RASA1: variants seen among roughly 807,000 people sequenced by gnomAD.
RASA1 encodes RAS p21 protein activator 1.
RASA1 carries 25 observed loss-of-function variants against 132.2 expected under a neutral mutation model. That is an observed-to-expected ratio of 0.19 (90% CI 0.14 to 0.26). The LOEUF (loss-of-function observed/expected upper bound fraction) is 0.26. RASA1 is among the 10% of genes least tolerant of loss of function. The pLI, the probability that RASA1 is intolerant of heterozygous loss-of-function variation, is 1.00. For synonymous variants in RASA1, 477 were observed against 449.9 expected (o/e 1.06, Z -0.76); for missense variants, 964 against 1,299.2 (o/e 0.74, Z 3.97).
intron 1 of RASA1, among the ~76,000 whole-genome samples, chr5:87,287,653 C>T (rs1754696819): frequency 6.8e-6 from 1 of 147,730 alleles, no homozygotes; most frequent in Non-Finnish European, 1.5e-5. Flanking sequence ...CATATATATA[C>T]ACGCCATAGA....
intron 1 of RASA1, among the ~76,000 whole-genome samples, chr5:87,287,480 T>TAC (rs1347520333): frequency 1.4e-5 from 2 of 147,386 alleles, no homozygotes; most frequent in Non-Finnish European, 3.0e-5. Context: ...ACCATATATA[T>TAC]ACACACCATA....
intron 9 of RASA1, among the ~76,000 whole-genome samples, chr5:87,358,694 C>T (rs1759842280): frequency 6.6e-6 from 1 of 152,194 alleles, no homozygotes; most frequent in South Asian, 2.1e-4. Context: ...AGCCAAAGTC[C>T]TTAGAATGGC....
At position 87,328,071 on chromosome 5, in the gene RASA1, A is replaced by G. The variant is rs545969223; in HGVS notation, c.540-3277A>G. ...ATGGTGGTTTAACTAGATGACTTAT[A>G]AAGTATTTTTCAACATTGTTTTATG... On this transcript the variant is annotated intron_variant, in intron 1 of 24. Coordinates refer to ENST00000274376, the MANE Select transcript of RASA1 (RefSeq NM_002890.3). Among the ~76,000 whole-genome samples, 14 of 152,300 alleles carry G rather than the reference A, an allele frequency of 9.2e-5. No homozygotes were observed. In the South Asian group the frequency reaches 2.5e-3, roughly 27 times the overall value.
chr5:87,292,050 G>A (rs566602240), intron 1 of RASA1, among the ~76,000 whole-genome samples: 215 of 152,214 alleles, frequency 1.4e-3, no homozygotes, highest in African/African-American at 5.0e-3. Context: ...AGAGTTCTTT[G>A]TATATTTTTG....
intron 9 of RASA1, among the ~76,000 whole-genome samples, chr5:87,359,362 A>G (rs1759899514): frequency 6.6e-6 from 1 of 152,186 alleles, no homozygotes; most frequent in Admixed American, 6.5e-5. Context: ...TGAGAAAAGG[A>G]ACACGTAGAG....
At chr5:87,380,647 GTGAAAAATTGAGGAATA>G in intron 20 of RASA1, 52 bp downstream of exon 20, 1 of 1,448,086 alleles carries the variant, frequency 6.9e-7, no homozygotes, top group South Asian at 1.1e-5. Context: ...GTGGATAATT[GTGAAAAATTGAGGAATA>G]ACAATATACA....
intron 9 of RASA1, among the ~76,000 whole-genome samples, chr5:87,354,798 T>C (rs552137225): frequency 1.3e-5 from 2 of 152,276 alleles, no homozygotes; most frequent in East Asian, 3.9e-4. Flanking sequence ...TTGAAGGAAA[T>C]TGAAAGTGCT....
At chr5:87,355,110 A>G (rs1230077247) in intron 9 of RASA1, among the ~76,000 whole-genome samples, 3 of 152,200 alleles carry the variant, frequency 2.0e-5, no homozygotes, top group African/African-American at 7.2e-5. Flanking sequence ...CAGAACATCT[A>G]GCTAGTTTTC....
chr5:87,389,577 TAGAG>T (rs778583800), intron 24 of RASA1, 50 bp downstream of exon 24: 76 of 1,600,378 alleles, frequency 4.7e-5, no homozygotes, highest in Non-Finnish European at 6.2e-5. Flanking sequence ...AGATAACACT[TAGAG>T]AGTTAATAAA....
At chr5:87,311,875 G>A (rs1035649270) in intron 1 of RASA1, among the ~76,000 whole-genome samples, 10 of 152,298 alleles carry the variant, frequency 6.6e-5, no homozygotes, top group South Asian at 4.1e-4. Context: ...GTAAACAAAG[G>A]CACTCTTATT....
intron 1 of RASA1, among the ~76,000 whole-genome samples, chr5:87,287,356 CACCATATATAT>C (rs1463010554): frequency 1.4e-5 from 2 of 145,494 alleles, no homozygotes; most frequent in Non-Finnish European, 3.0e-5. Flanking sequence ...ACCATATATA[CACCATATATAT>C]ACCATATATA....
rs1165505600 is a variant in RASA1 at position 87,391,357 on chromosome 5, A to T, written c.*474A>T. The T allele has an allele frequency of 1.1e-5, 3 of 282,574 alleles. No homozygotes were observed. The highest frequency in any genetic ancestry group is 2.0e-5 in the Non-Finnish European group (3 of 147,016). The allele number at this position is 282,574 out of a possible 1,614,324, so 17.5% of individuals were successfully genotyped here. A position where few individuals can be genotyped will look rare whatever the true frequency, so the allele number is the denominator to read the frequency against. The stretch of plus-strand genomic sequence containing the variant: ...TCCTGATTAGGAATATGACCATTTG[A>T]CTGTTCAATGATTATTTGTATTTAC... On this transcript the variant is annotated 3_prime_UTR_variant, in exon 25 of 25. Transcript: ENST00000274376.
intron 1 of RASA1, among the ~76,000 whole-genome samples, chr5:87,329,327 G>C (rs181819617): frequency 3.3e-5 from 5 of 151,450 alleles, no homozygotes; most frequent in Admixed American, 2.0e-4. Flanking sequence ...CTGCAGTCTC[G>C]GCTACTTGGG....
intron 5 of RASA1, among the ~76,000 whole-genome samples, chr5:87,338,536 A>ATATATATTTTTTTTTTTTTT: frequency 2.3e-5 from 2 of 85,220 alleles, no homozygotes; most frequent in African/African-American, 8.8e-5. Flanking sequence ...TATATATAAA[A>ATATATATTTTTTTTTTTTTT]TTTTTTTTTT....
chr5:87,268,277 T>C lies in RASA1; in HGVS notation c.-175T>C. The C allele has an allele frequency of 2.1e-6, 2 of 956,236 alleles. No individual in the cohort carries two copies. The highest frequency in any genetic ancestry group is 1.7e-5 in the African/African-American group (1 of 60,516). 59.2% of individuals were successfully genotyped at this position (956,236 alleles called of 1,614,324 possible). A position where few individuals can be genotyped will look rare whatever the true frequency, so the allele number is the denominator to read the frequency against. On this transcript the variant is annotated 5_prime_UTR_variant, in exon 1 of 25. Coordinates refer to ENST00000274376, the MANE Select transcript of RASA1 (RefSeq NM_002890.3). Reference sequence around the variant, plus strand: ...CCGTAACCCAGGCAGCTGGGGAGCCTGGGCTGTGGCCCTAGGAGGGGGCGC... The same window carrying C: ...CCGTAACCCAGGCAGCTGGGGAGCCCGGGCTGTGGCCCTAGGAGGGGGCGC...
intron 11 of RASA1, among the ~76,000 whole-genome samples, chr5:87,364,626 T>C (rs1760368006): frequency 6.6e-6 from 1 of 152,106 alleles, no homozygotes; most frequent in Non-Finnish European, 1.5e-5. Context: ...AACCTGAGAA[T>C]CTTAACCTTC....
chr5:87,299,223 A>C (rs1221245487), intron 1 of RASA1, among the ~76,000 whole-genome samples: 2 of 152,180 alleles, frequency 1.3e-5, no homozygotes, highest in Non-Finnish European at 2.9e-5. Context: ...CATTCTTTGC[A>C]GGGCGTGTTT....
intron 5 of RASA1, among the ~76,000 whole-genome samples, chr5:87,338,719 A>T (rs556807737): frequency 6.6e-6 from 1 of 150,600 alleles, no homozygotes; most frequent in South Asian, 2.1e-4. Context: ...TTTCTTCCTC[A>T]TAAGTGAAGT....
At chr5:87,356,062 G>A (rs1461361329) in intron 9 of RASA1, among the ~76,000 whole-genome samples, 1 of 152,202 alleles carries the variant, frequency 6.6e-6, no homozygotes, top group Non-Finnish European at 1.5e-5. Context: ...TGAAGATCCT[G>A]TGATCGCTAC....
Sources: allele counts gnomAD v4.1 joint callset (sites outside exome capture counted in the v4.1 genomes callset), GRCh38; gene constraint gnomAD v4.1.1; transcripts MANE v1.5; gene names NCBI Gene and HGNC (gene_info 2026-07-23, HGNC 2026-07-21).